Variants in SEMA5B observed in about 807,000 individuals in gnomAD.
SEMA5B encodes semaphorin 5B, also known as semaphorin-5B.
In SEMA5B, 66 loss-of-function variants were observed where a neutral mutation model predicts 135.0. The observed-to-expected ratio is 0.49, with a 90% CI of 0.40 to 0.60. The LOEUF is 0.60. Among genes scored for constraint, SEMA5B ranks in the 20% least tolerant of loss-of-function variants. SEMA5B has a pLI of 0.00. For synonymous variants in SEMA5B, 690 were observed against 639.5 expected (o/e 1.08, Z -1.19); for missense variants, 1,501 against 1,566.3 (o/e 0.96, Z 0.70).
intron 1 of SEMA5B, among the ~76,000 whole-genome samples, chr3:122,962,952 G>A (rs775862437): frequency 1.1e-4 from 17 of 152,172 alleles, no homozygotes; most frequent in Non-Finnish European, 1.0e-4. Context: ...CTACAGGTCC[G>A]ATCTGGCCCA....
At chr3:123,009,995 G>A (rs528899876) in intron 1 of SEMA5B, among the ~76,000 whole-genome samples, 1 of 152,354 alleles carries the variant, frequency 6.6e-6, no homozygotes, top group East Asian at 1.9e-4. Context: ...ACAAAGGCAG[G>A]AAAAGGTGCC....
intron 5 of SEMA5B, among the ~76,000 whole-genome samples, chr3:122,937,594 G>A (rs1939354487): frequency 6.6e-6 from 1 of 152,106 alleles, no homozygotes; most frequent in South Asian, 2.1e-4. Context: ...CTGGTGCTTT[G>A]GGGGCTTGTC....
intron 5 of SEMA5B, among the ~76,000 whole-genome samples, 175 bp downstream of exon 5, chr3:122,939,250 A>G (rs1158158934): frequency 6.6e-6 from 1 of 152,178 alleles, no homozygotes; most frequent in Non-Finnish European, 1.5e-5. Flanking sequence ...CTCCACGTAC[A>G]TTGCGGGCAG....
chr3:122,980,099 A>C (rs1156249760), intron 1 of SEMA5B, among the ~76,000 whole-genome samples: 2 of 152,162 alleles, frequency 1.3e-5, no homozygotes, highest in African/African-American at 4.8e-5. Context: ...TTCTTAAGCC[A>C]ATCTCTGACT....
chr3:122,954,635 T>C (rs1388533406), intron 2 of SEMA5B, among the ~76,000 whole-genome samples: 1 of 152,190 alleles, frequency 6.6e-6, no homozygotes, highest in Non-Finnish European at 1.5e-5. Flanking sequence ...GCTTCCCTTT[T>C]TCCAGAGTGG....
Position 122,910,087 on chromosome 3 carries a change from T to C in SEMA5B, c.*56A>G. 2.5e-6 allele frequency: 4 copies of C among 1,580,214 alleles called. No individual in the cohort carries two copies. Among genetic ancestry groups the C allele is most frequent in the Non-Finnish European group, 3.4e-6 (4 of 1,162,074 alleles). On this transcript the variant is annotated 3_prime_UTR_variant, in exon 23 of 23. Transcript: ENST00000357599. ...ACCAAACTGGCTCCACTGTCCCATC[T>C]CCATCTGCTCTGTGCCTTATGAAGG...
chr3:123,021,226 C>T (rs2107831012), intron 1 of SEMA5B, among the ~76,000 whole-genome samples: 1 of 152,312 alleles, frequency 6.6e-6, no homozygotes, highest in Middle Eastern at 3.4e-3. Context: ...GTGGTATTTT[C>T]CTCTTCTGTC....
intron 1 of SEMA5B, among the ~76,000 whole-genome samples, chr3:123,018,216 G>A (rs1360899026): frequency 1.3e-5 from 2 of 152,238 alleles, no homozygotes; most frequent in East Asian, 1.9e-4. Context: ...GGCCAGTGCT[G>A]AAACAGTTTA....
At chr3:122,974,867 C>G (rs1941259875) in intron 1 of SEMA5B, among the ~76,000 whole-genome samples, 1 of 152,178 alleles carries the variant, frequency 6.6e-6, no homozygotes, top group South Asian at 2.1e-4. Flanking sequence ...AGAATAACAG[C>G]TAACAGGCTT....
At chr3:122,985,776 C>T (rs1011937001) in intron 1 of SEMA5B, among the ~76,000 whole-genome samples, 8 of 152,174 alleles carry the variant, frequency 5.3e-5, no homozygotes, top group South Asian at 2.1e-4. Flanking sequence ...AGGGTGGCCA[C>T]GCCAGCCTAT....
chr3:122,944,119 C>A (rs547763720), intron 3 of SEMA5B, among the ~76,000 whole-genome samples: 31 of 152,334 alleles, frequency 2.0e-4, no homozygotes, highest in African/African-American at 7.5e-4. Flanking sequence ...TGCGAAGGCC[C>A]TTGGGTTCTG....
chr3:123,021,441 T>A (rs1942672139), intron 1 of SEMA5B, among the ~76,000 whole-genome samples: 1 of 152,198 alleles, frequency 6.6e-6, no homozygotes, highest in African/African-American at 2.4e-5. Flanking sequence ...ACTACAGATA[T>A]AGAGTTACTC....
intron 2 of SEMA5B, among the ~76,000 whole-genome samples, chr3:122,954,792 CTTT>C (rs34786092): frequency 1.0e-3 from 131 of 129,896 alleles, no homozygotes; most frequent in South Asian, 2.8e-3. Flanking sequence ...GGGTGGTCAT[CTTT>C]TTTTTTTTTT....
At chr3:122,967,277 T>G (rs1244665742) in intron 1 of SEMA5B, among the ~76,000 whole-genome samples, 1 of 152,116 alleles carries the variant, frequency 6.6e-6, no homozygotes, top group Non-Finnish European at 1.5e-5. Context: ...ATCTTGTAGA[T>G]TTTAGGGTGG....
Position 123,006,748 on chromosome 3 carries a change from A to G in SEMA5B, c.-39+20716T>C, listed in dbSNP as rs1040811534. On this transcript the variant is annotated intron_variant, in intron 1 of 22. Transcript: ENST00000357599. The stretch of plus-strand genomic sequence containing the variant: ...TGTTGAGCAACGGCCAGGCCTGGGA[A>G]CCCACAGAATCATCCAATCATCCTT... Among the ~76,000 whole-genome samples the G allele has an allele frequency of 2.0e-5, 3 of 151,974 alleles. No homozygotes were observed. In the East Asian group the frequency reaches 5.8e-4, roughly 29 times the overall value.
chr3:122,990,396 A>T (rs1345931592), intron 1 of SEMA5B, among the ~76,000 whole-genome samples: 1 of 152,194 alleles, frequency 6.6e-6, no homozygotes, highest in South Asian at 2.1e-4. Context: ...ACCCAGACTC[A>T]TGGGGCCAAA....
At chr3:122,966,642 C>T (rs1428627203) in intron 1 of SEMA5B, among the ~76,000 whole-genome samples, 2 of 150,308 alleles carry the variant, frequency 1.3e-5, no homozygotes, top group Non-Finnish European at 3.0e-5. Flanking sequence ...GCAAGCTCCG[C>T]CTCCTGGGTT....
chr3:122,956,091 C>G (rs532140736), intron 2 of SEMA5B, among the ~76,000 whole-genome samples: 3 of 152,348 alleles, frequency 2.0e-5, no homozygotes, highest in East Asian at 1.9e-4. Flanking sequence ...TGCCCTGCCT[C>G]GGGCCTGCTT....
chr3:122,966,531 G>A (rs971638739), intron 1 of SEMA5B, among the ~76,000 whole-genome samples: 2 of 125,824 alleles, frequency 1.6e-5, no homozygotes, highest in Non-Finnish European at 3.2e-5. Flanking sequence ...TTCATTGTAA[G>A]AATGTTTATT....
Sources: allele counts gnomAD v4.1 joint callset (sites outside exome capture counted in the v4.1 genomes callset), GRCh38; gene constraint gnomAD v4.1.1; transcripts MANE v1.5; gene names NCBI Gene and HGNC (gene_info 2026-07-23, HGNC 2026-07-21).